Variants in DCC observed in about 807,000 individuals in gnomAD.
The protein encoded by DCC is netrin receptor DCC.
A neutral mutation model predicts 172.5 loss-of-function variants in DCC; 58 were observed. The ratio of observed to expected loss-of-function variants is 0.34; its 90% CI spans 0.27 to 0.42. The LOEUF (loss-of-function observed/expected upper bound fraction) is 0.42, where lower values mean the gene tolerates loss of function less well. Ranked by LOEUF, DCC falls within the 10% of genes least tolerant of loss-of-function variation. DCC has a pLI of 1.00. For missense variants in DCC, 1,740 were observed against 1,791.0 expected, an observed-to-expected ratio of 0.97 and a Z score of 0.51; for synonymous variants, 709 against 644.5, an observed-to-expected ratio of 1.10 and a Z score of -1.52.
At chr18:52,373,211 T>C (rs147925684) in intron 1 of DCC, among the ~76,000 whole-genome samples, 1 of 152,070 alleles carries the variant, frequency 6.6e-6, no homozygotes, top group South Asian at 2.1e-4. Context: ...GCCATACAGT[T>C]TTTTTTCCAA....
In DCC at chr18:52,718,070, C is replaced by T. The variant is rs547054474; in HGVS notation, c.92-33984C>T. On this transcript the variant is annotated intron_variant, in intron 1 of 28. Coordinates refer to ENST00000442544, the MANE Select transcript of DCC (RefSeq NM_005215.4). ...TGACTGCAAGGAGGCATGAGTGGGA[C>T]TTCTGGATACACAGAAGTTTCTGTT... 2.0e-5 allele frequency among the ~76,000 whole-genome samples: 3 copies of T among 152,262 alleles called. No homozygotes were observed. In the South Asian group the frequency reaches 6.2e-4, roughly 32 times the overall value.
chr18:52,764,369 T>G (rs557814562), intron 2 of DCC, among the ~76,000 whole-genome samples: 1 of 152,348 alleles, frequency 6.6e-6, no homozygotes, highest in Non-Finnish European at 1.5e-5. Flanking sequence ...GACTATGGTT[T>G]GGATATTCAT....
At chr18:52,531,219 T>G (rs1279838809) in intron 1 of DCC, among the ~76,000 whole-genome samples, 1 of 152,186 alleles carries the variant, frequency 6.6e-6, no homozygotes, top group African/African-American at 2.4e-5. Context: ...TGGTGTATTA[T>G]CAGTTCCTTC....
At chr18:52,758,910 G>C (rs2037116824) in intron 2 of DCC, 1 of 152,064 alleles carries the variant, frequency 6.6e-6, no homozygotes, top group Non-Finnish European at 1.5e-5. Context: ...ACAGTGCAGA[G>C]CTTTCCATTT....
chr18:53,457,084 T>C, intron 23 of DCC, among the ~76,000 whole-genome samples: 1 of 152,244 alleles, frequency 6.6e-6, no homozygotes, highest in Non-Finnish European at 1.5e-5. Flanking sequence ...TAGAGATCTT[T>C]AGCTTCTTGA....
chr18:53,100,707 G>T (rs1379942965), intron 7 of DCC, among the ~76,000 whole-genome samples: 1 of 152,124 alleles, frequency 6.6e-6, no homozygotes, highest in African/African-American at 2.4e-5. Flanking sequence ...TGTAGCAGAG[G>T]TCTCGGGGAT....
chr18:52,981,521 T>C (rs1568226005), intron 5 of DCC, among the ~76,000 whole-genome samples: 1 of 151,798 alleles, frequency 6.6e-6, no homozygotes, highest in African/African-American at 2.4e-5. Flanking sequence ...CCATTCTGAT[T>C]GGAAAAAAAA....
chr18:52,812,121 T>C (rs2038212295), intron 2 of DCC, among the ~76,000 whole-genome samples: 1 of 152,234 alleles, frequency 6.6e-6, no homozygotes, highest in Admixed American at 6.5e-5. Context: ...CTCAGTATTT[T>C]AGAAATTGAT....
At chr18:53,211,524 G>T (rs2055752186) in intron 11 of DCC, among the ~76,000 whole-genome samples, 1 of 152,146 alleles carries the variant, frequency 6.6e-6, no homozygotes, top group Non-Finnish European at 1.5e-5. Flanking sequence ...GAGATCTAAA[G>T]CATCCTGGCT....
intron 25 of DCC, among the ~76,000 whole-genome samples, chr18:53,483,976 TAGATAGATAGA>T (rs2144346572): frequency 6.7e-6 from 1 of 150,328 alleles, no homozygotes; most frequent in South Asian, 2.1e-4. Flanking sequence ...GATAGATAGA[TAGATAGATAGA>T]TAGATAGATA....
chr18:52,850,430 C>T (rs2038957550), intron 2 of DCC, among the ~76,000 whole-genome samples: 1 of 152,132 alleles, frequency 6.6e-6, no homozygotes, highest in Non-Finnish European at 1.5e-5. Flanking sequence ...TTTAAACATG[C>T]CATCCCATTG....
intron 12 of DCC, among the ~76,000 whole-genome samples, chr18:53,275,616 A>C (rs561939883): frequency 1.3e-5 from 2 of 152,242 alleles, no homozygotes; most frequent in African/African-American, 4.8e-5. Context: ...GTAAACAAAC[A>C]TGGCTACTCT....
At chr18:52,362,789 A>G (rs1414355988) in intron 1 of DCC, among the ~76,000 whole-genome samples, 3 of 148,140 alleles carry the variant, frequency 2.0e-5, no homozygotes, top group African/African-American at 7.6e-5. Flanking sequence ...AGCCCCCCCC[A>G]CTCCCCTCCT....
At chr18:52,425,242 G>A (rs1373067586) in intron 1 of DCC, among the ~76,000 whole-genome samples, 1 of 152,164 alleles carries the variant, frequency 6.6e-6, no homozygotes, top group Non-Finnish European at 1.5e-5. Context: ...TTTCTCCTAA[G>A]GAGGTATTAA....
intron 1 of DCC, among the ~76,000 whole-genome samples, chr18:52,413,032 G>A (rs1055917775): frequency 8.9e-4 from 135 of 151,954 alleles, no homozygotes; most frequent in African/African-American, 3.1e-3. Flanking sequence ...ACTTTAGATT[G>A]CATTATTTGA....
intron 12 of DCC, among the ~76,000 whole-genome samples, chr18:53,281,999 A>G (rs1398403036): frequency 6.6e-6 from 1 of 152,152 alleles, no homozygotes; most frequent in Non-Finnish European, 1.5e-5. Context: ...TAGTTTAGAT[A>G]GTAAGTTCAA....
chr18:53,248,073 G>C (rs2056385962), intron 12 of DCC, among the ~76,000 whole-genome samples: 1 of 151,988 alleles, frequency 6.6e-6, no homozygotes. Context: ...CTCAATAAAT[G>C]TTTACTGGAT....
intron 27 of DCC, among the ~76,000 whole-genome samples, chr18:53,502,702 G>T (rs975929454): frequency 6.6e-6 from 1 of 152,012 alleles, no homozygotes; most frequent in Admixed American, 6.6e-5. Context: ...TTTACTTACC[G>T]CAAGTAATTA....
intron 2 of DCC, among the ~76,000 whole-genome samples, chr18:52,826,856 T>C (rs1007874135): frequency 6.6e-6 from 1 of 152,186 alleles, no homozygotes; most frequent in Non-Finnish European, 1.5e-5. Context: ...TCAACCCAGA[T>C]AAAAATATTC....
Sources: gnomAD v4.1 joint callset for allele counts (sites outside exome capture counted in the v4.1 genomes callset) on GRCh38, gnomAD v4.1.1 for gene constraint, MANE v1.5 for transcripts, NCBI Gene and HGNC (gene_info 2026-07-23, HGNC 2026-07-21) for gene names.